The following GFOD1 variants were observed in gnomAD, a reference collection of about 807,000 sequenced individuals.
GFOD1 encodes Gfo/Idh/MocA-like oxidoreductase domain containing 1.
A neutral mutation model predicts 25.4 loss-of-function variants in GFOD1; 9 were observed. That is an observed-to-expected ratio of 0.35 (90% CI 0.21 to 0.62). The LOEUF (loss-of-function observed/expected upper bound fraction) is 0.62. GFOD1 is among the 20% of genes least tolerant of loss of function. The pLI is 0.72. For synonymous variants in GFOD1, 253 were observed against 245.6 expected, an observed-to-expected ratio of 1.03 and a Z score of -0.28; for missense variants, 403 against 556.9, an observed-to-expected ratio of 0.72 and a Z score of 2.78.
chr6:13,391,517 A>C (rs1584623226), intron 1 of GFOD1, among the ~76,000 whole-genome samples: 3 of 151,510 alleles, frequency 2.0e-5, no homozygotes, highest in African/African-American at 7.2e-5. Context: ...CAAACAAAAA[A>C]AAAAAAAAAA....
intron 1 of GFOD1, among the ~76,000 whole-genome samples, chr6:13,368,057 T>C (rs1195516164): frequency 6.6e-6 from 1 of 152,210 alleles, no homozygotes; most frequent in African/African-American, 2.4e-5. Flanking sequence ...TGGGGTTTTG[T>C]AGAAGTCGTG....
intron 1 of GFOD1, among the ~76,000 whole-genome samples, chr6:13,442,623 A>T (rs1757934828): frequency 6.6e-6 from 1 of 152,220 alleles, no homozygotes; most frequent in African/African-American, 2.4e-5. Context: ...GCCAAAATTC[A>T]TTTACCATTC....
chr6:13,363,248 T>C lies in GFOD1; in HGVS notation c.*1495A>G, dbSNP rs894339964. 2.9e-5 allele frequency: 4 copies of C among 138,382 alleles called. No individual in the cohort carries two copies. Among genetic ancestry groups the C allele is most frequent in the African/African-American group, 1.1e-4 (4 of 37,108 alleles). The allele number at this position is 138,382 out of a possible 1,614,324, so 8.6% of individuals were successfully genotyped here. A position where few individuals can be genotyped will look rare whatever the true frequency, so the allele number is the denominator to read the frequency against. ...GTGTGTGTGTGTGTGTGCACGTGCA[T>C]GTGTGTGTGTGTCTGTTCCCTTTTG... is the stretch of plus-strand genomic sequence containing the variant. On this transcript the variant is annotated 3_prime_UTR_variant, in exon 2 of 2. Transcript: ENST00000379287.
At chr6:13,477,215 G>GC (rs772781291) in intron 1 of GFOD1, among the ~76,000 whole-genome samples, 1 of 139,924 alleles carries the variant, frequency 7.1e-6, no homozygotes, top group Non-Finnish European at 1.5e-5. Context: ...AACCAATAGG[G>GC]GGTGTGTGTG....
rs1033852616 is a variant in GFOD1 at position 13,443,425 on chromosome 6, G to A, written c.253+43213C>T. 6.6e-5 allele frequency among the ~76,000 whole-genome samples: 10 copies of A among 152,276 alleles called. No individual in the cohort carries two copies. The East Asian group carries it at 1.9e-3, about 29-fold the overall frequency. On this transcript the variant is annotated intron_variant, in intron 1 of 1. Coordinates refer to ENST00000379287, the MANE Select transcript of GFOD1 (RefSeq NM_018988.4). ...CAATTTTGAAAGAAGTTCTACTGTG[G>A]GTAAAATGCTATCAAACAGTATCAC...
At chr6:13,385,937 C>G (rs982107327) in intron 1 of GFOD1, among the ~76,000 whole-genome samples, 1 of 152,136 alleles carries the variant, frequency 6.6e-6, no homozygotes, top group African/African-American at 2.4e-5. Context: ...CAGGTCTAAG[C>G]AATTCTCTTC....
At chr6:13,470,667 C>G in intron 1 of GFOD1, 2 of 1,439,948 alleles carry the variant, frequency 1.4e-6, no homozygotes, top group Non-Finnish European at 1.8e-6. Context: ...AAGAGGAACA[C>G]ATCTCATTTT....
At chr6:13,473,164 T>G (rs1353310112) in intron 1 of GFOD1, among the ~76,000 whole-genome samples, 1 of 152,132 alleles carries the variant, frequency 6.6e-6, no homozygotes, top group Non-Finnish European at 1.5e-5. Flanking sequence ...GATTATTGCA[T>G]CCTTGCTCAT....
intron 1 of GFOD1, among the ~76,000 whole-genome samples, chr6:13,449,523 T>C (rs908656054): frequency 6.6e-6 from 1 of 152,230 alleles, no homozygotes; most frequent in Non-Finnish European, 1.5e-5. Flanking sequence ...TGCTAAGTGA[T>C]AGGGTTTGGC....
chr6:13,418,224 C>A (rs1368553994), intron 1 of GFOD1, among the ~76,000 whole-genome samples: 1 of 152,120 alleles, frequency 6.6e-6, no homozygotes, highest in Non-Finnish European at 1.5e-5. Flanking sequence ...AGGGGACAGG[C>A]AGGATTATAA....
chr6:13,425,181 A>G (rs1786331073), intron 1 of GFOD1, among the ~76,000 whole-genome samples: 1 of 151,982 alleles, frequency 6.6e-6, no homozygotes, highest in South Asian at 2.1e-4. Flanking sequence ...GCTGGTCTCA[A>G]ACTCCTGAGC....
At chr6:13,453,543 C>T (rs1468365393) in intron 1 of GFOD1, among the ~76,000 whole-genome samples, 1 of 152,172 alleles carries the variant, frequency 6.6e-6, no homozygotes, top group East Asian at 1.9e-4. Context: ...ATTCAGGTGG[C>T]AATGTCCTTA....
chr6:13,391,009 G>A (rs1785594060), intron 1 of GFOD1, among the ~76,000 whole-genome samples: 1 of 152,098 alleles, frequency 6.6e-6, no homozygotes, highest in Admixed American at 6.5e-5. Context: ...GTCCCCTACT[G>A]GCCCAGCGCA....
At chr6:13,373,174 T>C (rs961419042) in intron 1 of GFOD1, among the ~76,000 whole-genome samples, 2 of 152,184 alleles carry the variant, frequency 1.3e-5, no homozygotes, top group African/African-American at 4.8e-5. Context: ...AAAGGCGTGA[T>C]TATGGAATGC....
Position 13,486,775 on chromosome 6 carries a change from G to A in GFOD1, c.116C>T (p.Ala39Val). The A allele has an allele frequency of 6.2e-7, 1 of 1,614,124 alleles. No homozygotes were observed. The highest frequency in any genetic ancestry group is 8.5e-7 in the Non-Finnish European group (1 of 1,180,012). Residue 39 changes from alanine to valine, a missense_variant, in exon 1 of 2, where the codon GCG (alanine) becomes GTG (valine). Physicochemically the swap from Ala to Val is moderately conservative, Grantham distance 64. Transcript: ENST00000379287. ...KALWGRTQEEAEELAKEMSVP... is the reference protein window; with the variant it reads ...KALWGRTQEEVEELAKEMSVP... ...ACTCATCTCCTTGGCCAGCTCCTCC[G>A]CTTCTTCCTGCGTGCGGCCCCACAG... is the stretch of plus-strand genomic sequence containing the variant.
At chr6:13,402,161 A>G (rs1282324561) in intron 1 of GFOD1, among the ~76,000 whole-genome samples, 1 of 152,248 alleles carries the variant, frequency 6.6e-6, no homozygotes, top group East Asian at 1.9e-4. Flanking sequence ...TTGGAGGCCT[A>G]TCTCATGTCA....
intron 1 of GFOD1, among the ~76,000 whole-genome samples, chr6:13,447,001 T>A (rs1010054466): frequency 6.6e-6 from 1 of 152,224 alleles, no homozygotes; most frequent in African/African-American, 2.4e-5. Flanking sequence ...TTTTGGAACC[T>A]ATCTGATCTC....
intron 1 of GFOD1, among the ~76,000 whole-genome samples, chr6:13,432,003 T>C (rs1261517666): frequency 6.6e-6 from 1 of 152,158 alleles, no homozygotes; most frequent in Non-Finnish European, 1.5e-5. Context: ...CTCTACTCTG[T>C]TAACACAGCT....
chr6:13,417,247 G>A (rs758671546), intron 1 of GFOD1, among the ~76,000 whole-genome samples: 8 of 152,246 alleles, frequency 5.3e-5, no homozygotes, highest in African/African-American at 7.2e-5. Flanking sequence ...TCCGCTTCCC[G>A]GGTTCACGCT....
Sources: gnomAD v4.1 joint callset for allele counts (sites outside exome capture counted in the v4.1 genomes callset) on GRCh38, gnomAD v4.1.1 for gene constraint, MANE v1.5 for transcripts, NCBI Gene and HGNC (gene_info 2026-07-23, HGNC 2026-07-21) for gene names.